CRPPA: variants seen among roughly 807,000 people sequenced by gnomAD.
The protein encoded by CRPPA is CDP-L-ribitol pyrophosphorylase A, also known as D-ribitol-5-phosphate cytidylyltransferase.
In CRPPA, 43 loss-of-function variants were observed where a neutral mutation model predicts 52.0. That is an observed-to-expected ratio of 0.83 (90% CI 0.65 to 1.07). The LOEUF is 1.07. Ranked by LOEUF, CRPPA falls within the 50% of genes least tolerant of loss-of-function variation. The probability of loss-of-function intolerance (pLI) is 0.00; values close to 1 mark genes in which losing one functional copy is unlikely to be tolerated. For missense variants in CRPPA, 629 were observed against 551.7 expected (o/e 1.14, Z -1.40); for synonymous variants, 250 against 203.5 (o/e 1.23, Z -1.94).
At chr7:16,246,369 A>C (rs1783273991) in intron 8 of CRPPA, among the ~76,000 whole-genome samples, 1 of 152,194 alleles carries the variant, frequency 6.6e-6, no homozygotes, top group Non-Finnish European at 1.5e-5. Flanking sequence ...CCACATCAGC[A>C]GTTACTTCCC....
chr7:16,309,048 A>G (rs1275836183), intron 3 of CRPPA, among the ~76,000 whole-genome samples: 1 of 152,220 alleles, frequency 6.6e-6, no homozygotes, highest in Non-Finnish European at 1.5e-5. Context: ...TATTTATATC[A>G]GGACATTTGC....
At chr7:16,398,316 T>C (rs1433995339) in intron 2 of CRPPA, among the ~76,000 whole-genome samples, 1 of 151,268 alleles carries the variant, frequency 6.6e-6, no homozygotes, top group Non-Finnish European at 1.5e-5. Context: ...ATTCACGTGA[T>C]AAACACATGA....
At chr7:16,236,470 A>G (rs917456730) in intron 8 of CRPPA, among the ~76,000 whole-genome samples, 2 of 152,178 alleles carry the variant, frequency 1.3e-5, no homozygotes, top group Non-Finnish European at 2.9e-5. Context: ...TATACTTTTC[A>G]AAAGTATCAC....
chr7:16,257,558 AT>A (rs1237262049), intron 8 of CRPPA, among the ~76,000 whole-genome samples: 1 of 152,114 alleles, frequency 6.6e-6, no homozygotes, highest in East Asian at 1.9e-4. Context: ...TACTACTTGC[AT>A]TACTCAGTCA....
intron 2 of CRPPA, among the ~76,000 whole-genome samples, chr7:16,377,659 A>G (rs1156610582): frequency 6.6e-6 from 1 of 152,040 alleles, no homozygotes; most frequent in East Asian, 1.9e-4. Flanking sequence ...GTAAGAACAG[A>G]CTCTGTAGTA....
intron 5 of CRPPA, among the ~76,000 whole-genome samples, chr7:16,284,645 T>A (rs1440038379): frequency 6.6e-6 from 1 of 152,150 alleles, no homozygotes; most frequent in Non-Finnish European, 1.5e-5. Context: ...CAATGGAATA[T>A]ACATTTTGAG....
chr7:16,258,938 G>A lies in CRPPA; in HGVS notation c.1008C>T (p.Tyr336=), dbSNP rs1783720072. 6 of 1,608,976 alleles carry A rather than the reference G, an allele frequency of 3.7e-6. No homozygotes were observed. The Admixed American group carries it at 1.0e-4, about 27-fold the overall frequency. ...GACTTACATTCACACAAACAAAATT[G>A]TAGCATTGATCTAAGATGATTTGCT... The part of the protein sequence containing the change: ...HLQQIILDQC[Y]NFVCVNVTTS... Residue 336 remains tyrosine (Y), a synonymous_variant, in exon 7 of 10, where the codon TAC becomes TAT. Coordinates refer to ENST00000407010, the MANE Select transcript of CRPPA (RefSeq NM_001101426.4).
chr7:16,096,629 T>C (rs749766100), intron 9 of CRPPA, among the ~76,000 whole-genome samples: 2 of 152,168 alleles, frequency 1.3e-5, no homozygotes, highest in Non-Finnish European at 2.9e-5. Context: ...GAAAATTTTG[T>C]TGCCCAGGGT....
At chr7:16,157,160 T>C (rs1783199224) in intron 9 of CRPPA, among the ~76,000 whole-genome samples, 1 of 149,902 alleles carries the variant, frequency 6.7e-6, no homozygotes, top group African/African-American at 2.4e-5. Context: ...CATTGGGAAA[T>C]CTTTCGGAAC....
chr7:16,137,432 G>A (rs1782783206), intron 9 of CRPPA, among the ~76,000 whole-genome samples: 1 of 152,072 alleles, frequency 6.6e-6, no homozygotes, highest in Non-Finnish European at 1.5e-5. Context: ...AATGGATGAA[G>A]GAAAATATTT....
At chr7:16,378,867 G>A (rs1285496103) in intron 2 of CRPPA, among the ~76,000 whole-genome samples, 9 of 152,160 alleles carry the variant, frequency 5.9e-5, no homozygotes, top group South Asian at 2.1e-4. Flanking sequence ...GCCAGTGATG[G>A]TGAGCATTTT....
chr7:16,204,431 T>C (rs1036845279), intron 9 of CRPPA, among the ~76,000 whole-genome samples: 2 of 151,818 alleles, frequency 1.3e-5, no homozygotes, highest in African/African-American at 4.8e-5. Flanking sequence ...CGTGTACACA[T>C]GAACAAAGAG....
rs565138541 is a variant in CRPPA, at chr7:16,344,639, T to A, written c.684+31453A>T. ...AGTATGAGAAAGTTGCCTTATCAAC[T>A]AGAAGATGTTAATAAAAAGGTATAA... On this transcript the variant is annotated intron_variant, in intron 3 of 9. Transcript: ENST00000407010. Among the ~76,000 whole-genome samples the A allele has an allele frequency of 1.1e-4, 17 of 152,046 alleles. 1 individual carries two copies. The East Asian group carries it at 2.7e-3, about 24-fold the overall frequency.
intron 3 of CRPPA, among the ~76,000 whole-genome samples, chr7:16,333,850 GTCACAATTGAAC>G (rs1785615493): frequency 1.3e-5 from 2 of 152,070 alleles, no homozygotes; most frequent in Admixed American, 1.3e-4. Flanking sequence ...AATGAGAAAA[GTCACAATTGAAC>G]TGCTGTCTTT....
At chr7:16,129,460 C>G (rs755031575) in intron 9 of CRPPA, among the ~76,000 whole-genome samples, 2 of 152,008 alleles carry the variant, frequency 1.3e-5, no homozygotes, top group Non-Finnish European at 2.9e-5. Flanking sequence ...TGGTCAAATC[C>G]ATCCATCTTA....
At chr7:16,382,793 A>C (rs888835275) in intron 2 of CRPPA, among the ~76,000 whole-genome samples, 24 of 151,954 alleles carry the variant, frequency 1.6e-4, no homozygotes, top group African/African-American at 5.8e-4. Flanking sequence ...TCGGCTCCTG[A>C]GGCTTCTGCA....
intron 3 of CRPPA, among the ~76,000 whole-genome samples, chr7:16,316,222 G>C (rs1785140955): frequency 6.6e-6 from 1 of 152,044 alleles, no homozygotes; most frequent in Non-Finnish European, 1.5e-5. Flanking sequence ...AGAATAAGAA[G>C]CCAGGTAGGA....
At chr7:16,171,851 G>A (rs1267005637) in intron 9 of CRPPA, among the ~76,000 whole-genome samples, 2 of 152,078 alleles carry the variant, frequency 1.3e-5, no homozygotes, top group African/African-American at 4.8e-5. Context: ...TCTGCACATT[G>A]ACACTTCCAG....
At chr7:16,277,394 C>G (rs1303769616) in intron 6 of CRPPA, 2 of 140,838 alleles carry the variant, frequency 1.4e-5, no homozygotes, top group Non-Finnish European at 3.1e-5. Flanking sequence ...AAAAATTACA[C>G]AGCTAAAATC....
Sources: allele counts gnomAD v4.1 joint callset (sites outside exome capture counted in the v4.1 genomes callset), GRCh38; gene constraint gnomAD v4.1.1; transcripts MANE v1.5; gene names NCBI Gene and HGNC (gene_info 2026-07-23, HGNC 2026-07-21).